The following LTBP1 variants were observed in gnomAD, a reference collection of about 807,000 sequenced individuals.
The protein encoded by LTBP1 is latent-transforming growth factor beta-binding protein 1.
In LTBP1, 129 loss-of-function variants were observed where a neutral mutation model predicts 207.6. The ratio of observed to expected loss-of-function variants is 0.62; its 90% CI spans 0.54 to 0.72. LTBP1 has a LOEUF of 0.72. Ranked by LOEUF, LTBP1 falls within the 30% of genes least tolerant of loss-of-function variation. LTBP1 has a pLI of 0.00. For missense variants in LTBP1, 2,281 were observed against 2,217.2 expected, an observed-to-expected ratio of 1.03 and a Z score of -0.58; for synonymous variants, 963 against 833.7, an observed-to-expected ratio of 1.16 and a Z score of -2.67.
intron 2 of LTBP1, among the ~76,000 whole-genome samples, chr2:32,953,432 C>G (rs1677524581): frequency 6.6e-6 from 1 of 152,148 alleles, no homozygotes; most frequent in Non-Finnish European, 1.5e-5. Flanking sequence ...ATGACAACTG[C>G]TAGGAGGGCC....
In LTBP1 at chr2:33,036,063, T is replaced by C. The variant is rs116631350; in HGVS notation, c.863+14857T>C. On this transcript the variant is annotated intron_variant, in intron 3 of 33. Transcript: ENST00000404816. The stretch of plus-strand genomic sequence containing the variant: ...GTTTTTGACTTTTAAACAAATGTCA[T>C]ATTGTTTGTATTCTTCTGAGACTTG... Among the ~76,000 whole-genome samples the C allele has an allele frequency of 2.4e-3, 360 of 152,352 alleles. 2 individuals are homozygous for C. The highest frequency in any genetic ancestry group is 8.3e-3 in the African/African-American group (344 of 41,578).
At chr2:32,961,305 G>A (rs1352061637) in intron 2 of LTBP1, among the ~76,000 whole-genome samples, 7 of 152,182 alleles carry the variant, frequency 4.6e-5, no homozygotes, top group Non-Finnish European at 8.8e-5. Context: ...AGGGAGCTGC[G>A]AGGCTGCGGT....
At position 33,238,093 on chromosome 2, in the gene LTBP1, T is replaced by A. The variant is rs574197438; in HGVS notation, c.1877-5569T>A. Among the ~76,000 whole-genome samples, 14 of 137,450 alleles carry A rather than the reference T, an allele frequency of 1.0e-4. No homozygotes were observed. In the South Asian group the frequency reaches 2.6e-3, roughly 26 times the overall value. The allele number at this position is 137,450 out of a possible 152,430, so 90.2% of individuals were successfully genotyped here. A position where few individuals can be genotyped will look rare whatever the true frequency, so the allele number is the denominator to read the frequency against. ...CCTTATTAAATAACTTAATAGTCTG[T>A]CTGGGAAAAGTATTTGTATTAAGAG... is the stretch of plus-strand genomic sequence containing the variant. On this transcript the variant is annotated intron_variant, in intron 9 of 33. Transcript: ENST00000404816.
At chr2:33,099,671 A>G (rs1425157770) in intron 3 of LTBP1, among the ~76,000 whole-genome samples, 2 of 152,208 alleles carry the variant, frequency 1.3e-5, no homozygotes, top group Non-Finnish European at 2.9e-5. Context: ...TGAGTTTCCC[A>G]GATCCTGTGT....
rs901873378 is a variant in LTBP1 at position 33,301,751 on chromosome 2, A to G, written c.3481+107A>G. On this transcript the variant is annotated intron_variant, in intron 22 of 33. Transcript: ENST00000404816. Reference sequence around the variant, plus strand: ...AACCTCATCTCTTGATTTCATAGTGAAGACATTAGGTCCCTGCAAAGTGTC... The same window carrying G: ...AACCTCATCTCTTGATTTCATAGTGGAGACATTAGGTCCCTGCAAAGTGTC... 1.4e-5 allele frequency: 14 copies of G among 1,035,872 alleles called. No homozygotes were observed. The African/African-American group carries it at 2.3e-4, about 17-fold the overall frequency. The allele number at this position is 1,035,872 out of a possible 1,614,324, so 64.2% of individuals were successfully genotyped here. A position where few individuals can be genotyped will look rare whatever the true frequency, so the allele number is the denominator to read the frequency against.
At chr2:33,049,209 A>G (rs1472280779) in intron 3 of LTBP1, among the ~76,000 whole-genome samples, 3 of 152,244 alleles carry the variant, frequency 2.0e-5, no homozygotes, top group Non-Finnish European at 4.4e-5. Flanking sequence ...AATATTGGAA[A>G]CAAACTAAAA....
intron 31 of LTBP1, among the ~76,000 whole-genome samples, chr2:33,371,636 C>T (rs2095068718): frequency 6.6e-6 from 1 of 152,088 alleles, no homozygotes; most frequent in Non-Finnish European, 1.5e-5. Flanking sequence ...TTTTTTGTTG[C>T]TTGGTTTTTC....
Position 32,947,173 on chromosome 2 carries a change from C to A in LTBP1, c.-152C>A. The stretch of plus-strand genomic sequence containing the variant: ...TGGGGCCGCTCAGCTGCCCGCAGAG[C>A]CTCCTCCCTCGCCACCGACTTGGTC... On this transcript the variant is annotated 5_prime_UTR_variant, in exon 1 of 34. Transcript: ENST00000404816. 2.1e-6 allele frequency: 1 copy of A among 469,340 alleles called. No homozygotes were observed. Among genetic ancestry groups the A allele is most frequent in the Non-Finnish European group, 3.3e-6 (1 of 301,314 alleles). The allele number at this position is 469,340 out of a possible 1,614,324, so 29.1% of individuals were successfully genotyped here. A position where few individuals can be genotyped will look rare whatever the true frequency, so the allele number is the denominator to read the frequency against.
chr2:33,196,387 G>A (rs1259021507), intron 7 of LTBP1, among the ~76,000 whole-genome samples: 1 of 152,164 alleles, frequency 6.6e-6, no homozygotes, highest in African/African-American at 2.4e-5. Context: ...AGCTTTCACT[G>A]TAATACATTT....
At chr2:33,360,061 G>C (rs2094909329) in intron 26 of LTBP1, among the ~76,000 whole-genome samples, 1 of 152,180 alleles carries the variant, frequency 6.6e-6, no homozygotes. Flanking sequence ...AATTTAAGTA[G>C]TTAGATTTTT....
At chr2:33,236,907 C>T (rs1172426077) in intron 9 of LTBP1, among the ~76,000 whole-genome samples, 1 of 152,124 alleles carries the variant, frequency 6.6e-6, no homozygotes, top group East Asian at 1.9e-4. Flanking sequence ...TATCATGTTA[C>T]CCCGAAGACA....
At chr2:32,961,982 A>C (rs1405725522) in intron 2 of LTBP1, among the ~76,000 whole-genome samples, 2 of 152,202 alleles carry the variant, frequency 1.3e-5, no homozygotes, top group South Asian at 4.1e-4. Flanking sequence ...GCTTCACAGA[A>C]GGGCCATATA....
chr2:33,014,773 T>C (rs1372996226), intron 2 of LTBP1, among the ~76,000 whole-genome samples: 1 of 152,220 alleles, frequency 6.6e-6, no homozygotes, highest in East Asian at 1.9e-4. Flanking sequence ...TAGATACGAA[T>C]GTGAAAGACA....
rs564424121 is a variant in LTBP1 at position 33,079,741 on chromosome 2, G to C, written c.864-30841G>C. 2.6e-5 allele frequency among the ~76,000 whole-genome samples: 4 copies of C among 152,244 alleles called. No individual in the cohort carries two copies. The South Asian group carries it at 6.2e-4, about 24-fold the overall frequency. ...CTGTCCTGGACTGATGGAGCCACCT[G>C]GGGCCATCAGCCTCCCACCTCCTTT... On this transcript the variant is annotated intron_variant, in intron 3 of 33. Transcript: ENST00000404816.
intron 31 of LTBP1, among the ~76,000 whole-genome samples, chr2:33,380,584 T>C (rs555306050): frequency 1.3e-5 from 2 of 152,184 alleles, no homozygotes; most frequent in South Asian, 4.2e-4. Flanking sequence ...AAAAAAAGAA[T>C]GTTTTCTGTT....
At chr2:33,220,160 T>G (rs151233349) in intron 8 of LTBP1, among the ~76,000 whole-genome samples, 1 of 152,350 alleles carries the variant, frequency 6.6e-6, no homozygotes, top group Non-Finnish European at 1.5e-5. Context: ...ACATTTATTC[T>G]GTTTGTGTCC....
chr2:33,364,534 G>C (rs941861592), intron 30 of LTBP1, among the ~76,000 whole-genome samples, 178 bp downstream of exon 30: 1 of 152,238 alleles, frequency 6.6e-6, no homozygotes, highest in African/African-American at 2.4e-5. Flanking sequence ...TCATCAGTAT[G>C]TAGGAGATTT....
intron 4 of LTBP1, among the ~76,000 whole-genome samples, chr2:33,118,769 C>G (rs17397533): frequency 0.17 from 25,504 of 152,100 alleles, 2,712 homozygotes; most frequent in Non-Finnish European, 0.23. Flanking sequence ...TGCACGTTAT[C>G]CTGGGTTAGG....
intron 22 of LTBP1, among the ~76,000 whole-genome samples, chr2:33,308,164 G>T (rs555932405): frequency 1.3e-5 from 2 of 152,274 alleles, no homozygotes; most frequent in East Asian, 1.9e-4. Context: ...GAGGGCTCAT[G>T]GAGTACATTA....
Sources: allele counts gnomAD v4.1 joint callset (sites outside exome capture counted in the v4.1 genomes callset), GRCh38; gene constraint gnomAD v4.1.1; transcripts MANE v1.5; gene names NCBI Gene and HGNC (gene_info 2026-07-23, HGNC 2026-07-21).